HMMR: variants seen among roughly 807,000 people sequenced by gnomAD.
The protein encoded by HMMR is intracellular hyaluronic acid-binding protein.
HMMR carries 108 observed loss-of-function variants against 101.0 expected under a neutral mutation model. The ratio of observed to expected loss-of-function variants is 1.07; its 90% confidence interval spans 0.92 to 1.25. The LOEUF (loss-of-function observed/expected upper bound fraction) is 1.25, where lower values mean the gene tolerates loss of function less well. Among genes scored for constraint, HMMR ranks in the 50% most tolerant of loss-of-function variants. The probability of loss-of-function intolerance (pLI) is 0.00; values close to 1 mark genes in which losing one functional copy is unlikely to be tolerated. For synonymous variants in HMMR, 296 were observed against 276.4 expected (o/e 1.07, Z -0.70); for missense variants, 813 against 788.7 (o/e 1.03, Z -0.37).
At chr5:163,462,814 C>A (rs1360888830) in intron 1 of HMMR, among the ~76,000 whole-genome samples, 3 of 111,180 alleles carry the variant, frequency 2.7e-5, no homozygotes, top group Non-Finnish European at 1.7e-5. Flanking sequence ...GACAACAGAG[C>A]AAGACTCCGT....
rs1759144128 is a variant in HMMR, at chr5:163,478,555, A to C, written c.1269-129A>C. Reference sequence around the variant, plus strand: ...TAAGTCATAAATTAGGATCTGAGCTATTTAGCAGGTAATGCAGTGGTGAAG... The same window carrying C: ...TAAGTCATAAATTAGGATCTGAGCTCTTTAGCAGGTAATGCAGTGGTGAAG... On this transcript the variant is annotated intron_variant, in intron 11 of 17. Transcript: ENST00000393915. 3 of 641,928 alleles carry C rather than the reference A, an allele frequency of 4.7e-6. No homozygotes were observed. In the Admixed American group the frequency reaches 7.4e-5, roughly 16 times the overall value. The allele number at this position is 641,928 out of a possible 1,614,324, so 39.8% of individuals were successfully genotyped here. A position where few individuals can be genotyped will look rare whatever the true frequency, so the allele number is the denominator to read the frequency against.
intron 10 of HMMR, 172 bp downstream of exon 10, chr5:163,474,377 A>G (rs1258070298): frequency 2.4e-5 from 14 of 571,784 alleles, no homozygotes; most frequent in East Asian, 3.2e-5. Context: ...TATTTTCACT[A>G]CATGTTCACC....
In HMMR at chr5:163,490,488, T is replaced by G; in HGVS notation, c.2061T>G (p.Asp687Glu). 1.9e-6 allele frequency: 3 copies of G among 1,604,388 alleles called. No homozygotes were observed. The highest frequency in any genetic ancestry group is 2.5e-6 in the Non-Finnish European group (3 of 1,176,704). The change falls in exon 17 of 18, where the codon GAT becomes GAG. Residue 687 changes from aspartate (D) to glutamate (E), a missense_variant. Physicochemically the swap from Asp to Glu is conservative, Grantham distance 45 (BLOSUM62 2). Transcript: ENST00000393915. Reference sequence around the variant, plus strand: ...AAGTTCTAGGTATCAAACACTTTGATCCTTCAAAGGCTTTTCATCATGAAA... The same window carrying G: ...AAGTTCTAGGTATCAAACACTTTGAGCCTTCAAAGGCTTTTCATCATGAAA... ...LNKVLGIKHF[D>E]PSKAFHHESK...
chr5:163,471,089 A>G, intron 5 of HMMR, 96 bp from the exon 6 acceptor site: 1 of 727,370 alleles, frequency 1.4e-6, no homozygotes, highest in Non-Finnish European at 2.3e-6. Context: ...TCAAAAACAT[A>G]ACCCCAGTGA....
intron 4 of HMMR, among the ~76,000 whole-genome samples, chr5:163,468,961 G>T (rs1758782661): frequency 6.6e-6 from 1 of 151,970 alleles, no homozygotes; most frequent in Non-Finnish European, 1.5e-5. Flanking sequence ...CTCCTCAGAA[G>T]CCCAGCTCTG....
chr5:163,486,371 A>G (rs1759476596), intron 16 of HMMR, among the ~76,000 whole-genome samples: 1 of 152,034 alleles, frequency 6.6e-6, no homozygotes, highest in Non-Finnish European at 1.5e-5. Flanking sequence ...ATTTATTACT[A>G]TTTTATTCTT....
intron 11 of HMMR, 99 bp from the exon 12 acceptor site, chr5:163,478,585 G>T: frequency 1.3e-6 from 1 of 744,862 alleles, no homozygotes; most frequent in Non-Finnish European, 2.4e-6. Context: ...GTGAAGATAT[G>T]AGCTATATGA....
At chr5:163,474,731 A>G in intron 10 of HMMR, 3 of 385,728 alleles carry the variant, frequency 7.8e-6, no homozygotes, top group Non-Finnish European at 1.5e-5. Flanking sequence ...CAAAATTGGC[A>G]CAAATTAAAA....
intron 11 of HMMR, among the ~76,000 whole-genome samples, chr5:163,478,071 T>C (rs369989437): frequency 1.3e-5 from 2 of 152,154 alleles, no homozygotes; most frequent in Non-Finnish European, 2.9e-5. Flanking sequence ...CATATGCATA[T>C]CTAAAAATTT....
In HMMR at chr5:163,471,115, A is replaced by G. The variant is rs146209649; in HGVS notation, c.463-70A>G. 127 of 954,004 alleles carry G rather than the reference A, an allele frequency of 1.3e-4. 1 individual carries two copies. The East Asian group carries it at 3.2e-3, about 24-fold the overall frequency. 59.1% of individuals were successfully genotyped at this position (954,004 alleles called of 1,614,324 possible). A position where few individuals can be genotyped will look rare whatever the true frequency, so the allele number is the denominator to read the frequency against. ...ACCCCAGTGATAGGTAGAAAAATCA[A>G]TATTTGTGTATTTTAAATATGTCTT... On this transcript the variant is annotated intron_variant, in intron 5 of 17. Transcript: ENST00000393915.
chr5:163,461,073 G>T, intron 1 of HMMR, among the ~76,000 whole-genome samples: 1 of 152,170 alleles, frequency 6.6e-6, no homozygotes, highest in East Asian at 1.9e-4. Flanking sequence ...GTCCGAGAGG[G>T]CCTCACTGAT....
Position 163,483,370 on chromosome 5 carries a change from TTG to T in HMMR, c.1785+5_1785+6del. On this transcript the variant is annotated splice_donor_5th_base_variant and intron_variant, in intron 15 of 17. Transcript: ENST00000393915. Reference sequence around the variant, plus strand: ...ATAATAAAACAAAACCTTTTCAGGTTTGTCAGTTAGGAGTAAACTTACTTGTG... The same window carrying T: ...ATAATAAAACAAAACCTTTTCAGGTTTCAGTTAGGAGTAAACTTACTTGTG... The T allele has an allele frequency of 6.6e-7, 1 of 1,518,840 alleles. No homozygotes were observed. The highest frequency in any genetic ancestry group is 9.1e-7 in the Non-Finnish European group (1 of 1,099,360). 94.1% of individuals were successfully genotyped at this position (1,518,840 alleles called of 1,614,324 possible). A position where few individuals can be genotyped will look rare whatever the true frequency, so the allele number is the denominator to read the frequency against.
At chr5:163,479,761 C>G (rs1759195453) in intron 12 of HMMR, among the ~76,000 whole-genome samples, 1 of 152,186 alleles carries the variant, frequency 6.6e-6, no homozygotes, top group Non-Finnish European at 1.5e-5. Context: ...TCATTCCCTT[C>G]TTAACCCCAA....
At chr5:163,490,821 C>G (rs1759668523) in intron 17 of HMMR, among the ~76,000 whole-genome samples, 1 of 152,228 alleles carries the variant, frequency 6.6e-6, no homozygotes, top group Non-Finnish European at 1.5e-5. Flanking sequence ...CCACACACCC[C>G]AAATTACTCC....
rs1335191834 is a variant in HMMR at position 163,482,843 on chromosome 5, C to T, written c.1532+55C>T. 5.9e-6 allele frequency: 9 copies of T among 1,512,802 alleles called. No individual in the cohort carries two copies. In the African/African-American group the frequency reaches 9.7e-5, roughly 16 times the overall value. The allele number at this position is 1,512,802 out of a possible 1,614,324, so 93.7% of individuals were successfully genotyped here. A position where few individuals can be genotyped will look rare whatever the true frequency, so the allele number is the denominator to read the frequency against. ...CATTAAGACAATTTAATGTTGAAAG[C>T]CAGCTAGTAACTGTCCCTTGGCTTG... is the stretch of plus-strand genomic sequence containing the variant. On this transcript the variant is annotated intron_variant, in intron 13 of 17. Coordinates refer to ENST00000393915, the MANE Select transcript of HMMR (RefSeq NM_001142556.2).
intron 16 of HMMR, among the ~76,000 whole-genome samples, chr5:163,484,906 C>T (rs1252323928): frequency 6.6e-6 from 1 of 152,106 alleles, no homozygotes; most frequent in Non-Finnish European, 1.5e-5. Context: ...AGTCAATTAG[C>T]ATAATATTTT....
intron 3 of HMMR, among the ~76,000 whole-genome samples, chr5:163,467,411 G>A (rs1758737721): frequency 2.0e-5 from 3 of 152,178 alleles, no homozygotes; most frequent in Admixed American, 2.0e-4. Context: ...TAACATTAGA[G>A]GGAGGCAGTC....
At chr5:163,460,854 T>C in intron 1 of HMMR, 116 bp downstream of exon 1, 1 of 839,166 alleles carries the variant, frequency 1.2e-6, no homozygotes, top group South Asian at 1.4e-5. Context: ...TGGGGCTCAT[T>C]CAGTTGATTG....
At chr5:163,463,379 T>G (rs1758601336) in intron 1 of HMMR, among the ~76,000 whole-genome samples, 1 of 152,234 alleles carries the variant, frequency 6.6e-6, no homozygotes, top group Non-Finnish European at 1.5e-5. Flanking sequence ...GAATTGCAGT[T>G]GACATCTTTA....
Sources: allele counts gnomAD v4.1 joint callset (sites outside exome capture counted in the v4.1 genomes callset), GRCh38; gene constraint gnomAD v4.1.1; transcripts MANE v1.5; gene names NCBI Gene and HGNC (gene_info 2026-07-23, HGNC 2026-07-21).